HEMK2: variants seen among roughly 807,000 people sequenced by gnomAD.
HEMK2 encodes HemK methyltransferase 2, ETF1 glutamine and histone H4 lysine.
the HEMK2 span, among the ~76,000 whole-genome samples, chr21:28,593,334 C>CA: frequency 6.6e-6 from 1 of 152,064 alleles, no homozygotes; most frequent in Non-Finnish European, 1.5e-5. Flanking sequence ...ATTCTAAAAC[C>CA]AAAAAATCTG....
chr21:28,866,995 A>T, the HEMK2 span, among the ~76,000 whole-genome samples: 1 of 152,214 alleles, frequency 6.6e-6, no homozygotes, highest in Non-Finnish European at 1.5e-5. Context: ...GATTGGCAAA[A>T]TCTAAGAAGT....
chr21:28,808,387 T>C, the HEMK2 span, among the ~76,000 whole-genome samples: 1 of 150,012 alleles, frequency 6.7e-6, no homozygotes, highest in Admixed American at 6.7e-5. Flanking sequence ...TATTTTTTAA[T>C]TCCTTTGTCA....
At chr21:28,801,956 G>A in the HEMK2 span, among the ~76,000 whole-genome samples, 2 of 152,064 alleles carry the variant, frequency 1.3e-5, no homozygotes, top group East Asian at 1.9e-4. Flanking sequence ...TATCTTTGGC[G>A]GCCAATTTGG....
the HEMK2 span, among the ~76,000 whole-genome samples, chr21:28,868,987 T>C: frequency 1.4e-3 from 208 of 152,074 alleles, no homozygotes; most frequent in Non-Finnish European, 2.4e-3. Context: ...TTTTTTTTTT[T>C]CTTTATTTTG....
At chr21:28,619,356 T>C in the HEMK2 span, among the ~76,000 whole-genome samples, 1 of 152,212 alleles carries the variant, frequency 6.6e-6, no homozygotes, top group Non-Finnish European at 1.5e-5. Flanking sequence ...TGGCAATATA[T>C]CTTTAAGAGA....
At chr21:28,823,945 G>A in the HEMK2 span, among the ~76,000 whole-genome samples, 4 of 152,212 alleles carry the variant, frequency 2.6e-5, no homozygotes, top group Non-Finnish European at 1.5e-5. Context: ...GTAAGCTTGT[G>A]TATTAAGCAG....
the HEMK2 span, among the ~76,000 whole-genome samples, chr21:28,725,917 TAAA>T: frequency 6.6e-6 from 1 of 152,230 alleles, no homozygotes; most frequent in Admixed American, 6.5e-5. Flanking sequence ...AAGTCTAAAA[TAAA>T]ATTGTTACTC....
the HEMK2 span, among the ~76,000 whole-genome samples, chr21:28,828,530 G>A: frequency 4.6e-5 from 7 of 152,170 alleles, 1 homozygote; most frequent in East Asian, 1.3e-3. Context: ...ATAAATTGAA[G>A]CAGCCTTCAG....
At chr21:28,620,660 C>CTTTTTTTTTTTTTTTTTT in the HEMK2 span, among the ~76,000 whole-genome samples, 117 of 49,652 alleles carry the variant, frequency 2.4e-3, 26 homozygotes, top group East Asian at 4.5e-3. Context: ...TCTCTCTTTT[C>CTTTTTTTTTTTTTTTTTT]TTTTTTTTTT....
chr21:28,584,405 G>T, the HEMK2 span, among the ~76,000 whole-genome samples: 1 of 152,130 alleles, frequency 6.6e-6, no homozygotes, highest in Non-Finnish European at 1.5e-5. Flanking sequence ...CATAGCTTCT[G>T]AGTATAATTG....
chr21:28,856,165 A>G, the HEMK2 span, among the ~76,000 whole-genome samples: 56 of 152,312 alleles, frequency 3.7e-4, no homozygotes, highest in African/African-American at 1.3e-3. Flanking sequence ...CTGTAATCCC[A>G]GCACTTTAGG....
At chr21:28,782,588 T>C in the HEMK2 span, among the ~76,000 whole-genome samples, 1 of 152,220 alleles carries the variant, frequency 6.6e-6, no homozygotes, top group Admixed American at 6.5e-5. Flanking sequence ...GTAATAACTA[T>C]AACATATGTA....
At chr21:28,820,117 T>A in the HEMK2 span, among the ~76,000 whole-genome samples, 1 of 152,222 alleles carries the variant, frequency 6.6e-6, no homozygotes, top group Non-Finnish European at 1.5e-5. Flanking sequence ...TTCAGGGAAC[T>A]TGACCCCAAA....
chr21:28,627,676 G>A, the HEMK2 span, among the ~76,000 whole-genome samples: 1 of 152,124 alleles, frequency 6.6e-6, no homozygotes, highest in Non-Finnish European at 1.5e-5. Context: ...GGATCTGGAG[G>A]CAGGGAACCT....
chr21:28,781,355 CA>C, the HEMK2 span, among the ~76,000 whole-genome samples: 23 of 152,268 alleles, frequency 1.5e-4, no homozygotes, highest in African/African-American at 5.5e-4. Context: ...TTACTTCTCC[CA>C]GAAGGATCAT....
At chr21:28,739,157 C>T in the HEMK2 span, among the ~76,000 whole-genome samples, 7 of 152,182 alleles carry the variant, frequency 4.6e-5, no homozygotes, top group African/African-American at 1.4e-4. Flanking sequence ...CATTGACATG[C>T]GTATTTCTGA....
chr21:28,737,468 C>A, the HEMK2 span, among the ~76,000 whole-genome samples: 2 of 152,066 alleles, frequency 1.3e-5, no homozygotes, highest in Non-Finnish European at 2.9e-5. Flanking sequence ...GTTTTTGAGG[C>A]TTTAGAGGCA....
At chr21:28,806,253 G>T in the HEMK2 span, among the ~76,000 whole-genome samples, 1 of 152,178 alleles carries the variant, frequency 6.6e-6, no homozygotes, top group Non-Finnish European at 1.5e-5. Flanking sequence ...TTATGGAATT[G>T]TGGGCTTTTA....
At chr21:28,768,451 G>A in the HEMK2 span, among the ~76,000 whole-genome samples, 36 of 152,114 alleles carry the variant, frequency 2.4e-4, no homozygotes, top group East Asian at 6.8e-3. Context: ...TTCCCGTATG[G>A]AAATACCCAT....
Sources: allele counts gnomAD v4.1 joint callset (sites outside exome capture counted in the v4.1 genomes callset), GRCh38; gene constraint gnomAD v4.1.1; transcripts MANE v1.5; gene names NCBI Gene and HGNC (gene_info 2026-07-23, HGNC 2026-07-21).